The following FER variants were observed in gnomAD, a reference collection of about 807,000 sequenced individuals.
The protein encoded by FER is FER tyrosine kinase, also known as tyrosine-protein kinase Fer.
Under a neutral mutation model 111.0 loss-of-function variants are expected in FER, and 63 were observed. That is an observed-to-expected ratio of 0.57 (90% CI 0.46 to 0.70). The LOEUF is 0.70. FER is among the 30% of genes least tolerant of loss of function. The probability of loss-of-function intolerance (pLI) is 0.00; values close to 1 mark genes in which losing one functional copy is unlikely to be tolerated. For synonymous variants in FER, 327 were observed against 313.9 expected, an observed-to-expected ratio of 1.04 and a Z score of -0.44; for missense variants, 914 against 954.0, an observed-to-expected ratio of 0.96 and a Z score of 0.55.
At chr5:108,749,488 C>T (rs917789073) in intron 1 of FER, among the ~76,000 whole-genome samples, 2 of 152,162 alleles carry the variant, frequency 1.3e-5, no homozygotes, top group African/African-American at 4.8e-5. Context: ...ATCTGGGCGC[C>T]GCCGTCCCGC....
At chr5:109,141,395 C>G (rs562683875) in intron 17 of FER, among the ~76,000 whole-genome samples, 1 of 152,176 alleles carries the variant, frequency 6.6e-6, no homozygotes, top group Non-Finnish European at 1.5e-5. Flanking sequence ...GTTCACTAAA[C>G]TGAAAAGCCA....
At chr5:108,795,739 T>C (rs1308351842) in intron 2 of FER, among the ~76,000 whole-genome samples, 1 of 152,234 alleles carries the variant, frequency 6.6e-6, no homozygotes, top group East Asian at 1.9e-4. Flanking sequence ...CCTTGTTAAA[T>C]TTATCTAGAT....
At position 109,038,028 on chromosome 5, in the gene FER, A is replaced by C. The variant is rs189366529; in HGVS notation, c.1713+550A>C. ...CTAGTTCTATTAATCAGAAAAAGCA[A>C]CTATATATAATAAAAGTCCCTTTTC... On this transcript the variant is annotated intron_variant, in intron 14 of 19. Coordinates refer to ENST00000281092, the MANE Select transcript of FER (RefSeq NM_005246.4). 1.7e-3 allele frequency among the ~76,000 whole-genome samples: 253 copies of C among 152,004 alleles called. 2 individuals are homozygous for C. Among genetic ancestry groups the C allele is most frequent in the African/African-American group, 5.7e-3 (237 of 41,566 alleles).
intron 17 of FER, among the ~76,000 whole-genome samples, chr5:109,107,858 A>C (rs1749130861): frequency 6.6e-6 from 1 of 152,188 alleles, no homozygotes; most frequent in Non-Finnish European, 1.5e-5. Context: ...AATGACATTT[A>C]GGCTAATATA....
chr5:109,003,348 C>T (rs1765059983), intron 13 of FER, among the ~76,000 whole-genome samples: 3 of 152,162 alleles, frequency 2.0e-5, no homozygotes, highest in South Asian at 4.1e-4. Context: ...CCATCATTCT[C>T]AGCAGACTAT....
intron 16 of FER, among the ~76,000 whole-genome samples, chr5:109,099,471 G>A (rs1002772294): frequency 2.6e-5 from 4 of 151,458 alleles, no homozygotes; most frequent in African/African-American, 7.3e-5. Context: ...TAAATTTAAT[G>A]AAATCTAAAT....
intron 3 of FER, among the ~76,000 whole-genome samples, chr5:108,824,797 C>T (rs1409138538): frequency 3.9e-5 from 6 of 152,020 alleles, no homozygotes; most frequent in Admixed American, 2.6e-4. Context: ...ACGAGATTAT[C>T]GGGGGACCTG....
At chr5:109,125,514 A>T (rs544326889) in intron 17 of FER, among the ~76,000 whole-genome samples, 6 of 152,202 alleles carry the variant, frequency 3.9e-5, no homozygotes, top group Non-Finnish European at 8.8e-5. Context: ...ATACAATTTC[A>T]GACCATCTTT....
chr5:108,772,320 G>GTA (rs61538509), intron 2 of FER, among the ~76,000 whole-genome samples: 12,476 of 129,794 alleles, frequency 0.096, 1,609 homozygotes, highest in African/African-American at 0.22. Flanking sequence ...ATATATGTAT[G>GTA]TATATATATA....
At chr5:109,029,219 T>G (rs1450520532) in intron 13 of FER, among the ~76,000 whole-genome samples, 24 of 145,036 alleles carry the variant, frequency 1.7e-4, no homozygotes. Context: ...TTTTAGGCTT[T>G]CTTTTTTTTT....
At chr5:109,086,248 G>C (rs144136107) in intron 16 of FER, among the ~76,000 whole-genome samples, 11 of 149,972 alleles carry the variant, frequency 7.3e-5, no homozygotes, top group Admixed American at 2.7e-4. Context: ...TTTATCTTGT[G>C]TTCACTTTAG....
chr5:109,173,681 A>AAT (rs1757378699), intron 17 of FER, among the ~76,000 whole-genome samples: 1 of 152,018 alleles, frequency 6.6e-6, no homozygotes, highest in Non-Finnish European at 1.5e-5. Flanking sequence ...CTAATCCCTT[A>AAT]AGACTGTGAT....
chr5:109,113,159 A>G (rs1387492085), intron 17 of FER, among the ~76,000 whole-genome samples: 5 of 152,102 alleles, frequency 3.3e-5, no homozygotes, highest in African/African-American at 1.2e-4. Flanking sequence ...CATCTTCCAC[A>G]ATTGCTCAGT....
intron 17 of FER, among the ~76,000 whole-genome samples, chr5:109,150,007 A>G (rs1754648216): frequency 6.6e-6 from 1 of 152,128 alleles, no homozygotes; most frequent in African/African-American, 2.4e-5. Flanking sequence ...CGAGAGATCT[A>G]GGTTGCGCAC....
Position 108,832,923 on chromosome 5 carries a change from A to C in FER, c.361A>C (p.Ile121Leu). 1.9e-6 allele frequency: 3 copies of C among 1,589,412 alleles called. No individual in the cohort carries two copies. The highest frequency in any genetic ancestry group is 2.6e-6 in the Non-Finnish European group (3 of 1,169,902). The change falls in exon 4 of 20, where the codon ATA becomes CTA. Residue 121 changes from isoleucine (I) to leucine (L), a missense_variant. Transcript: ENST00000281092. ...KKSYIGVHQQ[I>L]EAEMIKVTKT... is the part of the protein sequence containing the mutation. ...AAGTTACATAGGTGTTCATCAGCAG[A>C]TAGAGGCAGAGATGATCAAGGTTCG...
chr5:108,929,730 C>T (rs1027055167), intron 10 of FER, among the ~76,000 whole-genome samples: 25 of 151,934 alleles, frequency 1.6e-4, no homozygotes, highest in African/African-American at 5.6e-4. Context: ...AAAAAATGTT[C>T]CAGAAATATG....
intron 17 of FER, among the ~76,000 whole-genome samples, chr5:109,127,073 G>T (rs2126544121): frequency 6.6e-6 from 1 of 152,270 alleles, no homozygotes; most frequent in East Asian, 1.9e-4. Flanking sequence ...CTACATTCTT[G>T]TGTTGGGAAC....
intron 16 of FER, among the ~76,000 whole-genome samples, chr5:109,100,077 T>C (rs758532648): frequency 6.6e-6 from 1 of 151,778 alleles, no homozygotes; most frequent in Non-Finnish European, 1.5e-5. Flanking sequence ...ATTCTATAGA[T>C]TTTAGTGAAG....
At chr5:108,752,868 CT>C (rs1205766141) in intron 1 of FER, among the ~76,000 whole-genome samples, 1 of 151,958 alleles carries the variant, frequency 6.6e-6, no homozygotes, top group African/African-American at 2.4e-5. Context: ...GATATTGTCA[CT>C]TTTTTTAGTA....
Sources: allele counts gnomAD v4.1 joint callset (sites outside exome capture counted in the v4.1 genomes callset), GRCh38; gene constraint gnomAD v4.1.1; transcripts MANE v1.5; gene names NCBI Gene and HGNC (gene_info 2026-07-23, HGNC 2026-07-21).